The following PARVA variants were observed in gnomAD, a reference collection of about 807,000 sequenced individuals.
The protein encoded by PARVA is alpha-parvin.
Under a neutral mutation model 52.6 loss-of-function variants are expected in PARVA, and 25 were observed. The ratio of observed to expected loss-of-function variants is 0.48; its 90% CI spans 0.35 to 0.66. The LOEUF (loss-of-function observed/expected upper bound fraction) is 0.66. Among genes scored for constraint, PARVA ranks in the 30% least tolerant of loss-of-function variants. The probability of loss-of-function intolerance (pLI) is 0.01; values close to 1 mark genes in which losing one functional copy is unlikely to be tolerated. For missense variants in PARVA, 373 were observed against 450.9 expected (o/e 0.83, Z 1.56); for synonymous variants, 185 against 179.1 (o/e 1.03, Z -0.26).
intron 1 of PARVA, among the ~76,000 whole-genome samples, chr11:12,401,428 A>G (rs1216219571): frequency 6.6e-6 from 1 of 152,224 alleles, no homozygotes; most frequent in Non-Finnish European, 1.5e-5. Context: ...CAGTTTTTTC[A>G]GAACTTTTTT....
At chr11:12,511,016 G>A (rs4572125) in intron 7 of PARVA, among the ~76,000 whole-genome samples, 4,258 of 152,094 alleles carry the variant, frequency 0.028, 200 homozygotes, top group African/African-American at 0.096. Context: ...ACCTACCCTG[G>A]GTCAATGGCA....
At chr11:12,508,099 TAAAAAAAAAAAAAAA>T (rs35314523) in intron 6 of PARVA, among the ~76,000 whole-genome samples, 1 of 91,774 alleles carries the variant, frequency 1.1e-5, no homozygotes, top group African/African-American at 4.0e-5. Context: ...ATTTATCAGT[TAAAAAAAAAAAAAAA>T]AAAAAAAACC....
chr11:12,387,738 G>A (rs1377830023), intron 1 of PARVA, among the ~76,000 whole-genome samples: 1 of 147,104 alleles, frequency 6.8e-6, no homozygotes, highest in Non-Finnish European at 1.5e-5. Flanking sequence ...GCCCGGAGGA[G>A]GCCCATCGGT....
chr11:12,427,826 G>C (rs1279658583), intron 1 of PARVA, among the ~76,000 whole-genome samples: 1 of 152,214 alleles, frequency 6.6e-6, no homozygotes, highest in Non-Finnish European at 1.5e-5. Flanking sequence ...TTAGAAGTCA[G>C]TTGCCCTCAG....
intron 4 of PARVA, among the ~76,000 whole-genome samples, chr11:12,484,180 A>T (rs999631021): frequency 6.6e-6 from 1 of 152,238 alleles, no homozygotes; most frequent in Non-Finnish European, 1.5e-5. Flanking sequence ...GGGATAAGCG[A>T]TTCCAGGAAG....
chr11:12,527,689 C>T lies in PARVA; in HGVS notation c.1043-160C>T, dbSNP rs569587377. Reference sequence around the variant, plus strand: ...CTGTGCCCCAGCACCTCTACCCTCACTGCCCCCTGCTCTGAATTCTCGCTG... The same window carrying T: ...CTGTGCCCCAGCACCTCTACCCTCATTGCCCCCTGCTCTGAATTCTCGCTG... On this transcript the variant is annotated intron_variant, in intron 12 of 12. Transcript: ENST00000334956. Among the ~76,000 whole-genome samples the T allele has an allele frequency of 1.6e-4, 24 of 152,292 alleles. No homozygotes were observed. In the South Asian group the frequency reaches 3.9e-3, roughly 25 times the overall value.
chr11:12,508,522 G>C, intron 6 of PARVA, 62 bp from the exon 7 acceptor site: 5 of 1,143,018 alleles, frequency 4.4e-6, no homozygotes, highest in Non-Finnish European at 6.6e-6. Context: ...CAGTGTTTCT[G>C]TATTTTTCTA....
intron 1 of PARVA, among the ~76,000 whole-genome samples, chr11:12,464,719 T>C (rs1261214023): frequency 6.6e-6 from 1 of 152,220 alleles, no homozygotes; most frequent in Non-Finnish European, 1.5e-5. Flanking sequence ...TGTTAGGGTT[T>C]GAATATTTGT....
rs750161481 is a variant in PARVA, at chr11:12,397,773, A to G, written c.136+19990A>G. On this transcript the variant is annotated intron_variant, in intron 1 of 12. Coordinates refer to ENST00000334956, the MANE Select transcript of PARVA (RefSeq NM_018222.5). ...GGCGAAATCCTGTGTGTTCTTAACC[A>G]TCTCTCCACTCCCAAGTCCCCTGCC... is the stretch of plus-strand genomic sequence containing the variant. Among the ~76,000 whole-genome samples, 3 of 151,398 alleles carry G rather than the reference A, an allele frequency of 2.0e-5. No homozygotes were observed. The East Asian group carries it at 5.8e-4, about 29-fold the overall frequency.
At chr11:12,403,264 T>C (rs1939854892) in intron 1 of PARVA, among the ~76,000 whole-genome samples, 1 of 152,242 alleles carries the variant, frequency 6.6e-6, no homozygotes, top group Non-Finnish European at 1.5e-5. Context: ...GGAGAAGGAA[T>C]CTTCTTGTTT....
At chr11:12,494,625 G>A (rs1274537271) in intron 4 of PARVA, among the ~76,000 whole-genome samples, 2 of 151,514 alleles carry the variant, frequency 1.3e-5, no homozygotes, top group African/African-American at 4.8e-5. Flanking sequence ...AAGGAGGCAA[G>A]ATGTATATTT....
At chr11:12,469,616 C>T (rs1197465115) in intron 1 of PARVA, among the ~76,000 whole-genome samples, 1 of 152,170 alleles carries the variant, frequency 6.6e-6, no homozygotes, top group East Asian at 1.9e-4. Context: ...AATGGGGCCC[C>T]ATGGGGCAAG....
Position 12,534,642 on chromosome 11 carries a change from A to G in PARVA, c.*6717A>G, listed in dbSNP as rs1377947889. Among the ~76,000 whole-genome samples the G allele has an allele frequency of 6.6e-6, 1 of 152,248 alleles. No individual in the cohort carries two copies. Among genetic ancestry groups the G allele is most frequent in the South Asian group, 2.1e-4 (1 of 4,824 alleles). On this transcript the variant is annotated 3_prime_UTR_variant, in exon 13 of 13. Transcript: ENST00000334956. ...AAGACACACAAATGTCATTAAGGCA[A>G]CCGCTTAAAGGAGTGTGATATTTTA... is the stretch of plus-strand genomic sequence containing the variant.
chr11:12,510,717 A>G (rs1018553920), intron 7 of PARVA, among the ~76,000 whole-genome samples: 38 of 152,196 alleles, frequency 2.5e-4, no homozygotes, highest in African/African-American at 8.7e-4. Flanking sequence ...TGATAAACCC[A>G]TGGGATCTCA....
chr11:12,508,000 A>G (rs1941453784), intron 6 of PARVA, among the ~76,000 whole-genome samples: 1 of 150,888 alleles, frequency 6.6e-6, no homozygotes, highest in Non-Finnish European at 1.5e-5. Flanking sequence ...GGACGGACGG[A>G]CGGACGAGTT....
intron 1 of PARVA, among the ~76,000 whole-genome samples, chr11:12,399,920 A>G (rs1168877557): frequency 1.3e-5 from 2 of 152,064 alleles, no homozygotes; most frequent in Non-Finnish European, 2.9e-5. Flanking sequence ...TTTTTTCCAT[A>G]TTTAGTGTTA....
intron 7 of PARVA, among the ~76,000 whole-genome samples, chr11:12,510,342 T>C (rs1001677924): frequency 6.6e-6 from 1 of 152,190 alleles, no homozygotes; most frequent in East Asian, 1.9e-4. Flanking sequence ...AAAGTGTATT[T>C]GGAAAAAAGT....
At chr11:12,507,941 G>A (rs569014255) in intron 6 of PARVA, among the ~76,000 whole-genome samples, 1 of 152,054 alleles carries the variant, frequency 6.6e-6, no homozygotes, top group South Asian at 2.1e-4. Context: ...AAACAAGAAA[G>A]AGGATAAGTT....
chr11:12,445,604 C>T (rs566027193), intron 1 of PARVA, among the ~76,000 whole-genome samples: 3 of 152,260 alleles, frequency 2.0e-5, no homozygotes, highest in Non-Finnish European at 4.4e-5. Context: ...ATCCTTCCTT[C>T]TGGTAGGAAT....
Sources: gnomAD v4.1 joint callset for allele counts (sites outside exome capture counted in the v4.1 genomes callset) on GRCh38, gnomAD v4.1.1 for gene constraint, MANE v1.5 for transcripts, NCBI Gene and HGNC (gene_info 2026-07-23, HGNC 2026-07-21) for gene names.